The following CENPW variants were observed in gnomAD, a reference collection of about 807,000 sequenced individuals.
CENPW encodes cancer-up-regulated gene 2 protein.
Under a neutral mutation model 11.1 loss-of-function variants are expected in CENPW, and 3 were observed. That is an observed-to-expected ratio of 0.27 (90% CI 0.12 to 0.70). The LOEUF is 0.70. Ranked by LOEUF, CENPW falls within the 30% of genes least tolerant of loss-of-function variation. CENPW has a pLI of 0.77. For missense variants in CENPW, 100 were observed against 105.6 expected, an observed-to-expected ratio of 0.95 and a Z score of 0.23; for synonymous variants, 38 against 42.0, an observed-to-expected ratio of 0.91 and a Z score of 0.37.
the CENPW span, among the ~76,000 whole-genome samples, chr6:126,427,978 A>G: frequency 8.5e-5 from 13 of 152,238 alleles, no homozygotes; most frequent in Non-Finnish European, 1.8e-4. Context: ...TTTAAAAACT[A>G]AACCATACTG....
rs773583292 is a variant in CENPW at position 126,346,270 on chromosome 6, G to A, written c.192G>A (p.Ala64=). ...AAGAGTCCAGGACAAACGCTTGTGC[G>A]AGTAAATGTAGAGTCATTAACAAGG... ...LAEESRTNAC[A]SKCRVINKEH... Residue 64 remains alanine, a synonymous_variant, in exon 2 of 3, where the codon GCG becomes GCA. Transcript: ENST00000368328. 9 of 1,608,764 alleles carry A rather than the reference G, an allele frequency of 5.6e-6. No individual in the cohort carries two copies. Among genetic ancestry groups the A allele is most frequent in the Non-Finnish European group, 6.8e-6 (8 of 1,175,966 alleles).
the CENPW span, among the ~76,000 whole-genome samples, chr6:126,388,347 G>A: frequency 6.6e-6 from 1 of 151,952 alleles, no homozygotes; most frequent in African/African-American, 2.4e-5. Context: ...ACAGGGCAGG[G>A]GGAAAAAGGC....
the CENPW span, among the ~76,000 whole-genome samples, chr6:126,475,816 T>C: frequency 2.6e-5 from 4 of 152,064 alleles, no homozygotes; most frequent in Non-Finnish European, 4.4e-5. Flanking sequence ...CTGAGGTTGC[T>C]TATGCATTCT....
the CENPW span, among the ~76,000 whole-genome samples, chr6:126,461,647 C>T: frequency 2.6e-5 from 4 of 151,800 alleles, no homozygotes; most frequent in Admixed American, 2.6e-4. Context: ...GTACATAATA[C>T]GTTCCAGTGT....
the CENPW span, among the ~76,000 whole-genome samples, chr6:126,411,719 G>C: frequency 1.3e-5 from 2 of 152,116 alleles, no homozygotes; most frequent in Admixed American, 6.6e-5. Flanking sequence ...TGGAGGTTTG[G>C]AGGTTTGGGC....
chr6:126,345,716 T>G (rs1040933656), intron 1 of CENPW, among the ~76,000 whole-genome samples: 10 of 152,062 alleles, frequency 6.6e-5, no homozygotes, highest in Non-Finnish European at 1.0e-4. Flanking sequence ...TTAGCAAACT[T>G]AAACAATTTC....
At chr6:126,404,682 G>T in the CENPW span, among the ~76,000 whole-genome samples, 1 of 151,866 alleles carries the variant, frequency 6.6e-6, no homozygotes, top group African/African-American at 2.4e-5. Flanking sequence ...TTAATTTTTT[G>T]TCCTTTTGAT....
the CENPW span, among the ~76,000 whole-genome samples, chr6:126,426,168 A>G: frequency 6.6e-6 from 1 of 152,166 alleles, no homozygotes; most frequent in Admixed American, 6.6e-5. Context: ...CAATGGTAAC[A>G]TGTTTATTTC....
At chr6:126,349,942 C>G (rs1442255319), downstream of CENPW, among the ~76,000 whole-genome samples, 2 of 152,066 alleles carry the variant, frequency 1.3e-5, no homozygotes, top group Non-Finnish European at 2.9e-5. Context: ...CCTCAAACTC[C>G]TGGGCTAAAG....
At chr6:126,417,323 A>C in the CENPW span, among the ~76,000 whole-genome samples, 3 of 152,326 alleles carry the variant, frequency 2.0e-5, no homozygotes, top group Non-Finnish European at 4.4e-5. Flanking sequence ...GCTCATGGGC[A>C]GAAGGGACTT....
At chr6:126,453,582 C>G in the CENPW span, among the ~76,000 whole-genome samples, 2 of 151,048 alleles carry the variant, frequency 1.3e-5, no homozygotes, top group Non-Finnish European at 3.0e-5. Flanking sequence ...AGAAAGATTC[C>G]TACTGGTCAC....
chr6:126,424,360 AC>A, the CENPW span, among the ~76,000 whole-genome samples: 8 of 152,152 alleles, frequency 5.3e-5, no homozygotes, highest in Non-Finnish European at 1.0e-4. Context: ...AGTATGATAT[AC>A]TAAATTACTG....
chr6:126,380,762 C>T, the CENPW span, among the ~76,000 whole-genome samples: 3 of 152,306 alleles, frequency 2.0e-5, no homozygotes, highest in East Asian at 5.8e-4. Context: ...ATGATACCTG[C>T]ATCATGAAAG....
At chr6:126,473,055 A>T in the CENPW span, among the ~76,000 whole-genome samples, 1 of 152,306 alleles carries the variant, frequency 6.6e-6, no homozygotes, top group African/African-American at 2.4e-5. Context: ...TATGCATTAG[A>T]GATTTCTCTG....
the CENPW span, among the ~76,000 whole-genome samples, chr6:126,396,901 A>G: frequency 6.6e-6 from 1 of 151,784 alleles, no homozygotes; most frequent in Admixed American, 6.6e-5. Flanking sequence ...GTCCCCTATT[A>G]TATTGTGGTT....
At chr6:126,441,983 G>C in the CENPW span, among the ~76,000 whole-genome samples, 1 of 151,550 alleles carries the variant, frequency 6.6e-6, no homozygotes, top group African/African-American at 2.4e-5. Context: ...TGGGACTGCT[G>C]GATCAAACAG....
chr6:126,393,152 C>T, the CENPW span, among the ~76,000 whole-genome samples: 1 of 151,720 alleles, frequency 6.6e-6, no homozygotes, highest in African/African-American at 2.4e-5. Context: ...CCTTTTTCAA[C>T]TCTGGTTTTA....
At chr6:126,453,256 T>C in the CENPW span, among the ~76,000 whole-genome samples, 1 of 151,098 alleles carries the variant, frequency 6.6e-6, no homozygotes, top group East Asian at 2.0e-4. Flanking sequence ...AGACACATAG[T>C]CATCAGATTC....
At chr6:126,394,017 G>A in the CENPW span, among the ~76,000 whole-genome samples, 1 of 151,708 alleles carries the variant, frequency 6.6e-6, no homozygotes, top group Admixed American at 6.6e-5. Flanking sequence ...CAGTCTATAT[G>A]TGTATTTATA....
Sources: allele counts gnomAD v4.1 joint callset (sites outside exome capture counted in the v4.1 genomes callset), GRCh38; gene constraint gnomAD v4.1.1; transcripts MANE v1.5; gene names NCBI Gene and HGNC (gene_info 2026-07-23, HGNC 2026-07-21).